Variants in TYR observed in about 807,000 individuals in gnomAD.
TYR encodes the protein tyrosinase.
Under a neutral mutation model 51.5 loss-of-function variants are expected in TYR, and 58 were observed. That is an observed-to-expected ratio of 1.13 (90% confidence interval 0.91 to 1.40). The LOEUF (loss-of-function observed/expected upper bound fraction) is 1.40, where lower values mean the gene tolerates loss of function less well. Among genes scored for constraint, TYR ranks in the 40% most tolerant of loss-of-function variants. The probability of loss-of-function intolerance (pLI) is 0.00; values close to 1 mark genes in which losing one functional copy is unlikely to be tolerated. For missense variants in TYR, 732 were observed against 647.4 expected, an observed-to-expected ratio of 1.13 and a Z score of -1.42; for synonymous variants, 263 against 235.2, an observed-to-expected ratio of 1.12 and a Z score of -1.08.
rs1944024062 is a variant in TYR, at chr11:89,229,851, G to A, written c.1184+1881G>A. Among the ~76,000 whole-genome samples, 3 of 151,976 alleles carry A rather than the reference G, an allele frequency of 2.0e-5. No individual in the cohort carries two copies. In the South Asian group the frequency reaches 6.2e-4, roughly 32 times the overall value. On this transcript the variant is annotated intron_variant, in intron 3 of 4. Transcript: ENST00000263321. Reference sequence around the variant, plus strand: ...AAGTTTATCCAAGAAAATGAAAGATGTGTACACTGAAACTATACAATATTG... The same window carrying A: ...AAGTTTATCCAAGAAAATGAAAGATATGTACACTGAAACTATACAATATTG...
At chr11:89,228,440 G>A (rs1485604221) in intron 3 of TYR, among the ~76,000 whole-genome samples, 1 of 152,122 alleles carries the variant, frequency 6.6e-6, no homozygotes, top group African/African-American at 2.4e-5. Flanking sequence ...GCCTTCTAAA[G>A]GCTTCAGGAG....
intron 3 of TYR, among the ~76,000 whole-genome samples, chr11:89,264,700 A>C (rs1944503621): frequency 6.6e-6 from 1 of 151,352 alleles, no homozygotes; most frequent in Non-Finnish European, 1.5e-5. Flanking sequence ...AATAAAGAAA[A>C]TGTGGTACAC....
chr11:89,262,862 A>T, intron 3 of TYR, among the ~76,000 whole-genome samples: 1 of 146,384 alleles, frequency 6.8e-6, no homozygotes. Context: ...AAAAAAAAAA[A>T]AAAAAAAAAA....
intron 4 of TYR, chr11:89,293,973 T>C (rs1944877086): frequency 3.5e-6 from 1 of 289,232 alleles, no homozygotes; most frequent in Non-Finnish European, 6.8e-6. Flanking sequence ...ATCTCTTTTC[T>C]TTGATTTGCT....
intron 2 of TYR, among the ~76,000 whole-genome samples, chr11:89,221,034 A>G (rs952640733): frequency 2.6e-5 from 4 of 152,200 alleles, no homozygotes; most frequent in South Asian, 2.1e-4. Context: ...CTTATAATTC[A>G]TTGTGATTTG....
intron 2 of TYR, among the ~76,000 whole-genome samples, chr11:89,216,691 C>G (rs1381253528): frequency 7.1e-6 from 1 of 140,012 alleles, no homozygotes; most frequent in African/African-American, 2.9e-5. Flanking sequence ...AAATAATATG[C>G]CTTTTAAGAA....
At chr11:89,273,448 GATGTGGTTTGTGGCAACCCAAA>G (rs1241018147) in intron 3 of TYR, among the ~76,000 whole-genome samples, 2 of 151,822 alleles carry the variant, frequency 1.3e-5, no homozygotes, top group African/African-American at 4.8e-5. Context: ...ATCTTATATG[GATGTGGTTTGTGGCAACCCAAA>G]ACAATTACAA....
intron 3 of TYR, among the ~76,000 whole-genome samples, chr11:89,260,192 T>C (rs1191026310): frequency 6.6e-6 from 1 of 151,296 alleles, no homozygotes; most frequent in African/African-American, 2.4e-5. Context: ...TTTATTACCT[T>C]AGACAAGTCC....
chr11:89,268,309 T>C (rs567893269), intron 3 of TYR, among the ~76,000 whole-genome samples: 2 of 151,942 alleles, frequency 1.3e-5, no homozygotes, highest in Admixed American at 6.6e-5. Flanking sequence ...ATATGATATA[T>C]ATATATATCA....
chr11:89,236,823 C>A (rs1260153893), intron 3 of TYR, among the ~76,000 whole-genome samples: 1 of 152,164 alleles, frequency 6.6e-6, no homozygotes, highest in African/African-American at 2.4e-5. Context: ...CTTGACCTAT[C>A]TAGTTTGTAC....
At chr11:89,261,889 T>G in intron 3 of TYR, among the ~76,000 whole-genome samples, 1 of 151,764 alleles carries the variant, frequency 6.6e-6, no homozygotes, top group Non-Finnish European at 1.5e-5. Flanking sequence ...AAACTAATAA[T>G]AAAAAGGAAT....
At position 89,178,585 on chromosome 11, in the gene TYR, A is replaced by G. The variant is rs764330630; in HGVS notation, c.632A>G (p.His211Arg). The change falls in exon 1 of 5, where the codon CAT (histidine) becomes CGT (arginine). Residue 211 changes from histidine to arginine, a missense_variant. Transcript: ENST00000263321. ...GAAGCACCAGCTTTTCTGCCTTGGC[A>G]TAGACTCTTCTTGTTGCGGTGGGAA... ...AHEAPAFLPW[H>R]RLFLLRWEQE... 1 of 1,613,918 alleles carries G rather than the reference A, an allele frequency of 6.2e-7. No homozygotes were observed. The highest frequency in any genetic ancestry group is 1.1e-5 in the South Asian group (1 of 91,072).
At chr11:89,225,224 T>C (rs1943962479) in intron 2 of TYR, among the ~76,000 whole-genome samples, 1 of 151,990 alleles carries the variant, frequency 6.6e-6, no homozygotes. Flanking sequence ...CATTGGGAAA[T>C]GGCTAAATCA....
At chr11:89,230,630 C>T (rs1355203688) in intron 3 of TYR, among the ~76,000 whole-genome samples, 1 of 151,842 alleles carries the variant, frequency 6.6e-6, no homozygotes, top group Non-Finnish European at 1.5e-5. Flanking sequence ...CAAACTATAC[C>T]TCTGATAAGG....
At chr11:89,240,311 TCTAAAAC>T (rs1472402927) in intron 3 of TYR, among the ~76,000 whole-genome samples, 1 of 152,040 alleles carries the variant, frequency 6.6e-6, no homozygotes, top group African/African-American at 2.4e-5. Flanking sequence ...GTAAAAACTA[TCTAAAAC>T]CTATCCTATC....
intron 2 of TYR, among the ~76,000 whole-genome samples, chr11:89,217,331 T>C (rs1037339901): frequency 6.6e-6 from 1 of 152,182 alleles, no homozygotes; most frequent in East Asian, 1.9e-4. Context: ...ATGAATTTCT[T>C]GCTCATCCAA....
At chr11:89,191,482 A>C in intron 2 of TYR, 64 bp downstream of exon 2, 2 of 1,486,906 alleles carry the variant, frequency 1.3e-6, no homozygotes, top group Non-Finnish European at 1.9e-6. Flanking sequence ...TCTTATCCAA[A>C]GTCCTAGGAG....
At chr11:89,228,564 T>C (rs928500784) in intron 3 of TYR, among the ~76,000 whole-genome samples, 3 of 152,202 alleles carry the variant, frequency 2.0e-5, no homozygotes, top group African/African-American at 4.8e-5. Context: ...CATCAATACA[T>C]CTTTCCTTCT....
At chr11:89,236,458 T>C (rs533784079) in intron 3 of TYR, among the ~76,000 whole-genome samples, 4 of 152,314 alleles carry the variant, frequency 2.6e-5, no homozygotes, top group African/African-American at 9.6e-5. Flanking sequence ...TATTTTACTA[T>C]TAGACATTTG....
Sources: allele counts gnomAD v4.1 joint callset (sites outside exome capture counted in the v4.1 genomes callset), GRCh38; gene constraint gnomAD v4.1.1; transcripts MANE v1.5; gene names NCBI Gene and HGNC (gene_info 2026-07-23, HGNC 2026-07-21).